Variants in TTC9C observed in about 807,000 individuals in gnomAD.
TTC9C encodes the protein tetratricopeptide repeat protein 9C.
In TTC9C, 15 loss-of-function variants were observed where a neutral mutation model predicts 22.5. The observed-to-expected ratio is 0.67, with a 90% CI of 0.45 to 1.03. TTC9C has a LOEUF of 1.03. Among genes scored for constraint, TTC9C ranks in the 50% least tolerant of loss-of-function variants. The probability of loss-of-function intolerance (pLI) is 0.00; values close to 1 mark genes in which losing one functional copy is unlikely to be tolerated. For missense variants in TTC9C, 244 were observed against 214.6 expected (o/e 1.14, Z -0.86); for synonymous variants, 92 against 86.8 (o/e 1.06, Z -0.33).
chr11:62,728,589 C>G lies in TTC9C; in HGVS notation c.-260C>G. The G allele has an allele frequency of 1.7e-6, 1 of 600,824 alleles. No individual in the cohort carries two copies. The highest frequency in any genetic ancestry group is 3.1e-6 in the Non-Finnish European group (1 of 320,630). 37.2% of individuals were successfully genotyped at this position (600,824 alleles called of 1,614,324 possible). On this transcript the variant is annotated 5_prime_UTR_variant, in exon 1 of 3. Transcript: ENST00000316461. ...CCCACATCGCCTCTTTAGGAAGTCA[C>G]TTAATGTTGGGCTTCATTATTCCCA... is the stretch of plus-strand genomic sequence containing the variant.
At chr11:62,734,191 G>T (rs758919400) in intron 1 of TTC9C, among the ~76,000 whole-genome samples, 1 of 151,346 alleles carries the variant, frequency 6.6e-6, no homozygotes, top group African/African-American at 2.4e-5. Context: ...CCAGCTACTC[G>T]GGAAGCTGAG....
At chr11:62,732,917 G>T (rs1029736665) in intron 1 of TTC9C, among the ~76,000 whole-genome samples, 2 of 151,676 alleles carry the variant, frequency 1.3e-5, no homozygotes, top group Non-Finnish European at 2.9e-5. Context: ...GGGAGACTCT[G>T]TCTAAAAACA....
Position 62,728,596 on chromosome 11 carries a change from T to C in TTC9C, c.-253T>C, listed in dbSNP as rs1220400664. ...CGCCTCTTTAGGAAGTCACTTAATG[T>C]TGGGCTTCATTATTCCCACATCCCT... On this transcript the variant is annotated 5_prime_UTR_variant, in exon 1 of 3. Coordinates refer to ENST00000316461, the MANE Select transcript of TTC9C (RefSeq NM_173810.4). 5 of 616,108 alleles carry C rather than the reference T, an allele frequency of 8.1e-6. No individual in the cohort carries two copies. The highest frequency in any genetic ancestry group is 2.1e-5 in the Admixed American group (1 of 47,262). 38.2% of individuals were successfully genotyped at this position (616,108 alleles called of 1,614,324 possible). A position where few individuals can be genotyped will look rare whatever the true frequency, so the allele number is the denominator to read the frequency against.
intron 1 of TTC9C, among the ~76,000 whole-genome samples, chr11:62,729,361 A>G (rs552168816): frequency 7.4e-4 from 108 of 146,372 alleles, no homozygotes; most frequent in Non-Finnish European, 1.3e-3. Context: ...ATCAGTTTGC[A>G]TTTCTTTATT....
In TTC9C at chr11:62,738,620, T is replaced by A. The variant is rs2083939686; in HGVS notation, c.*238T>A. ...TGTTGCAGATATTTGGCTTGAGAAA[T>A]ATAATCAGAAAACATACATCAGTTG... On this transcript the variant is annotated 3_prime_UTR_variant, in exon 3 of 3. Transcript: ENST00000316461. 7.8e-6 allele frequency: 3 copies of A among 384,754 alleles called. No homozygotes were observed. The South Asian group carries it at 1.1e-4, about 14-fold the overall frequency. The allele number at this position is 384,754 out of a possible 1,614,324, so 23.8% of individuals were successfully genotyped here.
At chr11:62,734,995 C>T (rs7949279) in intron 1 of TTC9C, among the ~76,000 whole-genome samples, 25,622 of 152,230 alleles carry the variant, frequency 0.17, 2,342 homozygotes, top group Non-Finnish European at 0.22. Flanking sequence ...CTCCCAGGTC[C>T]AAGCGATTCT....
chr11:62,732,100 A>G (rs2083857842), intron 1 of TTC9C, among the ~76,000 whole-genome samples: 1 of 131,652 alleles, frequency 7.6e-6, no homozygotes, highest in African/African-American at 3.0e-5. Context: ...GGTTCACACC[A>G]TTCCCCTGCC....
chr11:62,731,332 C>T (rs149107350), intron 1 of TTC9C, among the ~76,000 whole-genome samples: 34 of 152,256 alleles, frequency 2.2e-4, no homozygotes, highest in African/African-American at 8.2e-4. Flanking sequence ...TTAGAGAAGC[C>T]TTCTGTAGCT....
In TTC9C at chr11:62,728,521, T is replaced by A. The variant is rs1424688386; in HGVS notation, c.-328T>A. 2.0e-6 allele frequency: 1 copy of A among 493,988 alleles called. No individual in the cohort carries two copies. Among genetic ancestry groups the A allele is most frequent in the Admixed American group, 2.3e-5 (1 of 43,616 alleles). The allele number at this position is 493,988 out of a possible 1,614,324, so 30.6% of individuals were successfully genotyped here. Reference sequence around the variant, plus strand: ...GCGTTCTCACGCCCGCAACAATTCCTGAGTAGGGCCTTGCTTGAGTTCTTC... The same window carrying A: ...GCGTTCTCACGCCCGCAACAATTCCAGAGTAGGGCCTTGCTTGAGTTCTTC... On this transcript the variant is annotated 5_prime_UTR_variant, in exon 1 of 3. Coordinates refer to ENST00000316461, the MANE Select transcript of TTC9C (RefSeq NM_173810.4).
intron 1 of TTC9C, among the ~76,000 whole-genome samples, chr11:62,732,083 C>T (rs1483738185): frequency 6.8e-6 from 1 of 148,102 alleles, no homozygotes; most frequent in African/African-American, 2.5e-5. Context: ...GCAAGCTCTG[C>T]CTCCTGGGTT....
At chr11:62,733,915 C>T (rs1346933903) in intron 1 of TTC9C, among the ~76,000 whole-genome samples, 1 of 151,930 alleles carries the variant, frequency 6.6e-6, no homozygotes, top group African/African-American at 2.4e-5. Flanking sequence ...TCACTTGAAC[C>T]TGGGAGGCAG....
chr11:62,733,859 G>A (rs1232443667), intron 1 of TTC9C, among the ~76,000 whole-genome samples: 1 of 151,974 alleles, frequency 6.6e-6, no homozygotes, highest in African/African-American at 2.4e-5. Flanking sequence ...AGGCATGGTG[G>A]TGAGCGCCTA....
At chr11:62,729,151 T>TG in intron 1 of TTC9C, 65 bp downstream of exon 1, 3 of 1,428,508 alleles carry the variant, frequency 2.1e-6, no homozygotes, top group Non-Finnish European at 2.9e-6. Context: ...CTGTGAACAT[T>TG]GGGGGAAAAA....
rs940863286 is a variant in TTC9C at position 62,729,149 on chromosome 11, AT to A, written c.238+65del. On this transcript the variant is annotated intron_variant, in intron 1 of 2. Coordinates refer to ENST00000316461, the MANE Select transcript of TTC9C (RefSeq NM_173810.4). Reference sequence around the variant, plus strand: ...GACAGGAACATGAACATCTGTGAACATTGGGGGAAAAAACGCTGACTTTTTT... The same window carrying A: ...GACAGGAACATGAACATCTGTGAACATGGGGGAAAAAACGCTGACTTTTTT... 5.6e-6 allele frequency: 8 copies of A among 1,424,618 alleles called. No homozygotes were observed. The African/African-American group carries it at 1.2e-4, about 21-fold the overall frequency. The allele number at this position is 1,424,618 out of a possible 1,614,324, so 88.2% of individuals were successfully genotyped here. A position where few individuals can be genotyped will look rare whatever the true frequency, so the allele number is the denominator to read the frequency against.
intron 1 of TTC9C, chr11:62,733,055 C>T: frequency 1.4e-5 from 14 of 1,012,572 alleles, no homozygotes; most frequent in Non-Finnish European, 1.8e-5. Context: ...ATGTGCTCAT[C>T]ACTGCTGATT....
chr11:62,736,522 G>A (rs1014097443), intron 2 of TTC9C, among the ~76,000 whole-genome samples: 4 of 151,702 alleles, frequency 2.6e-5, no homozygotes, highest in Non-Finnish European at 4.4e-5. Context: ...GGGAAACTCC[G>A]TCTCTATTAA....
intron 1 of TTC9C, among the ~76,000 whole-genome samples, chr11:62,733,630 G>A (rs190606417): frequency 6.6e-6 from 1 of 151,868 alleles, no homozygotes; most frequent in East Asian, 1.9e-4. Flanking sequence ...TTAAGATGGA[G>A]TCTTGCTCCA....
At chr11:62,734,259 T>C (rs2083885500) in intron 1 of TTC9C, among the ~76,000 whole-genome samples, 1 of 148,320 alleles carries the variant, frequency 6.7e-6, no homozygotes, top group Non-Finnish European at 1.5e-5. Context: ...GATCGCGCCA[T>C]TGCACTCCAG....
intron 1 of TTC9C, among the ~76,000 whole-genome samples, chr11:62,730,300 C>T (rs924319078): frequency 1.3e-5 from 2 of 152,048 alleles, no homozygotes; most frequent in Non-Finnish European, 2.9e-5. Flanking sequence ...AGTCTGGATT[C>T]CTGACCTCAG....
Sources: gnomAD v4.1 joint callset for allele counts (sites outside exome capture counted in the v4.1 genomes callset) on GRCh38, gnomAD v4.1.1 for gene constraint, MANE v1.5 for transcripts, NCBI Gene and HGNC (gene_info 2026-07-23, HGNC 2026-07-21) for gene names.